Variants in RYR2 observed in about 807,000 individuals in gnomAD.
RYR2 encodes ryanodine receptor 2.
A neutral mutation model predicts 601.1 loss-of-function variants in RYR2; 227 were observed. The ratio of observed to expected loss-of-function variants is 0.38; its 90% CI spans 0.34 to 0.42. The LOEUF (loss-of-function observed/expected upper bound fraction) is 0.42, where lower values mean the gene tolerates loss of function less well. RYR2 is among the 10% of genes least tolerant of loss of function. RYR2 has a pLI of 1.00. For synonymous variants in RYR2, 2,223 were observed against 2,175.1 expected, an observed-to-expected ratio of 1.02 and a Z score of -0.61; for missense variants, 4,646 against 6,156.5, an observed-to-expected ratio of 0.75 and a Z score of 8.21.
chr1:237,618,828 C>G (rs1382987331), intron 38 of RYR2, among the ~76,000 whole-genome samples: 1 of 152,140 alleles, frequency 6.6e-6, no homozygotes, highest in Non-Finnish European at 1.5e-5. Context: ...AGTAACAAGG[C>G]CCATTTCTTC....
chr1:237,130,700 TA>T (rs5781935), intron 1 of RYR2, among the ~76,000 whole-genome samples: 81,291 of 147,770 alleles, frequency 0.55, 22,727 homozygotes, highest in Non-Finnish European at 0.62. Flanking sequence ...TGTCTCAAAA[TA>T]AAAAAAAAAA....
At chr1:237,167,195 C>T (rs906580083) in intron 1 of RYR2, among the ~76,000 whole-genome samples, 3 of 152,046 alleles carry the variant, frequency 2.0e-5, no homozygotes, top group Non-Finnish European at 4.4e-5. Flanking sequence ...AGGAGTCTGT[C>T]CTTTTGGAGA....
At position 237,569,250 on chromosome 1, in the gene RYR2, C is replaced by T. The variant is rs1386427245; in HGVS notation, c.3529C>T (p.Leu1177=). The T allele has an allele frequency of 6.2e-7, 1 of 1,613,928 alleles. No homozygotes were observed. Among genetic ancestry groups the T allele is most frequent in the African/African-American group, 1.3e-5 (1 of 75,034 alleles). Residue 1177 remains leucine, a synonymous_variant, in exon 29 of 105, where the codon CTG becomes TTG. Transcript: ENST00000366574. ...GAACGAACACACCATGATGTTCACA[C>T]TGAATGGTGAAATCCTTCTTGATGA... ...DMNEHTMMFT[L]NGEILLDDSG...
At chr1:237,253,176 A>AC (rs1393519209) in intron 1 of RYR2, among the ~76,000 whole-genome samples, 1 of 150,470 alleles carries the variant, frequency 6.6e-6, no homozygotes, top group Non-Finnish European at 1.5e-5. Flanking sequence ...AAAAAAAAAA[A>AC]AAAAACAACA....
At chr1:237,130,575 G>T (rs1309028831) in intron 1 of RYR2, among the ~76,000 whole-genome samples, 2 of 152,126 alleles carry the variant, frequency 1.3e-5, no homozygotes, top group Non-Finnish European at 2.9e-5. Context: ...AGCCAGGCGT[G>T]GTGGTGTGCA....
chr1:237,737,965 T>C (rs1385972439), intron 79 of RYR2, among the ~76,000 whole-genome samples: 2 of 152,226 alleles, frequency 1.3e-5, no homozygotes, highest in East Asian at 3.8e-4. Flanking sequence ...TTGTTGATTA[T>C]TAATATCGAA....
intron 47 of RYR2, 62 bp downstream of exon 47, chr1:237,641,064 T>C: frequency 8.3e-7 from 1 of 1,205,228 alleles, no homozygotes; most frequent in South Asian, 1.6e-5. Context: ...CATCTATAGC[T>C]GTCAAAGAGC....
chr1:237,507,611 C>T (rs963342805), intron 23 of RYR2, among the ~76,000 whole-genome samples: 9 of 152,214 alleles, frequency 5.9e-5, no homozygotes, highest in Admixed American at 5.9e-4. Flanking sequence ...CCACACTACT[C>T]AGTAATATTT....
intron 29 of RYR2, among the ~76,000 whole-genome samples, chr1:237,573,492 G>C (rs187008197): frequency 2.7e-4 from 40 of 149,892 alleles, no homozygotes; most frequent in Non-Finnish European, 4.9e-4. Context: ...TTAAATCCAG[G>C]GGGGAGCTAT....
rs975594034 is a variant in RYR2, at chr1:237,655,979, C to T, written c.8124C>T (p.Thr2708=). 2 of 1,612,802 alleles carry T rather than the reference C, an allele frequency of 1.2e-6. No individual in the cohort carries two copies. The highest frequency in any genetic ancestry group is 3.3e-5 in the Admixed American group (2 of 59,840). ...ACTTTAACCCACAACCTGTTGATAC[C>T]TCAAAGTATGGACTCTTTCTATTGC... ...EGNFNPQPVD[T]SNITIPEKLE... Residue 2708 remains threonine (T), a synonymous_variant, in exon 53 of 105, where the codon ACC becomes ACT. Transcript: ENST00000366574.
chr1:237,788,220 C>T, intron 92 of RYR2, 85 bp downstream of exon 92: 1 of 1,093,920 alleles, frequency 9.1e-7, no homozygotes, highest in Non-Finnish European at 1.3e-6. Context: ...CTGACCTCTC[C>T]CTGAGTGGCA....
At chr1:237,449,758 G>GT (rs34816071) in intron 14 of RYR2, among the ~76,000 whole-genome samples, 72,863 of 149,296 alleles carry the variant, frequency 0.49, 18,800 homozygotes, top group East Asian at 0.7. Flanking sequence ...AGATTGACAA[G>GT]TTTTTTTTTT....
intron 35 of RYR2, 33 bp downstream of exon 35, chr1:237,602,144 A>T: frequency 6.6e-7 from 1 of 1,516,384 alleles, no homozygotes; most frequent in Non-Finnish European, 9.1e-7. Flanking sequence ...TTGTATTTGT[A>T]TTTTTTCTAT....
rs148395104 is a variant in RYR2 at position 237,380,045 on chromosome 1, A to C, written c.576+2610A>C. 1.2e-3 allele frequency among the ~76,000 whole-genome samples: 183 copies of C among 152,192 alleles called. 1 individual carries two copies. The highest frequency in any genetic ancestry group is 1.9e-3 in the Non-Finnish European group (128 of 68,006). On this transcript the variant is annotated intron_variant, in intron 8 of 104. Coordinates refer to ENST00000366574, the MANE Select transcript of RYR2 (RefSeq NM_001035.3). Reference sequence around the variant, plus strand: ...CAGAGCTGTATGAGGATATTGTAAGACAGTAAATACGCATTACAGTATAGC... The same window carrying C: ...CAGAGCTGTATGAGGATATTGTAAGCCAGTAAATACGCATTACAGTATAGC...
At chr1:237,356,023 TA>T in intron 4 of RYR2, 38 bp downstream of exon 4, 1 of 1,581,182 alleles carries the variant, frequency 6.3e-7, no homozygotes, top group Admixed American at 1.7e-5. Flanking sequence ...AATTGTGATC[TA>T]AAAGTGCATG....
chr1:237,713,908 T>C (rs988506268), intron 71 of RYR2, among the ~76,000 whole-genome samples: 1 of 152,078 alleles, frequency 6.6e-6, no homozygotes, highest in Non-Finnish European at 1.5e-5. Flanking sequence ...TTATAATTAC[T>C]ATATCTAAAA....
At chr1:237,519,045 T>C (rs932103250) in intron 24 of RYR2, among the ~76,000 whole-genome samples, 1 of 152,236 alleles carries the variant, frequency 6.6e-6, no homozygotes, top group Non-Finnish European at 1.5e-5. Context: ...TTTTCTCATA[T>C]ACCTGTTAGC....
intron 2 of RYR2, among the ~76,000 whole-genome samples, chr1:237,295,530 C>T (rs1435268027): frequency 6.6e-6 from 1 of 152,060 alleles, no homozygotes; most frequent in African/African-American, 2.4e-5. Context: ...GAAATGTTGG[C>T]TATCTGCATT....
intron 25 of RYR2, among the ~76,000 whole-genome samples, chr1:237,532,182 A>T (rs1176825895): frequency 1.3e-5 from 2 of 152,154 alleles, no homozygotes; most frequent in Non-Finnish European, 2.9e-5. Flanking sequence ...TTTAATAAAA[A>T]GTCATAGAAA....
Sources: allele counts gnomAD v4.1 joint callset (sites outside exome capture counted in the v4.1 genomes callset), GRCh38; gene constraint gnomAD v4.1.1; transcripts MANE v1.5; gene names NCBI Gene and HGNC (gene_info 2026-07-23, HGNC 2026-07-21).